Variants in SASS6 observed in about 807,000 individuals in gnomAD.
The protein encoded by SASS6 is spindle assembly abnormal protein 6 homolog.
Under a neutral mutation model 94.9 loss-of-function variants are expected in SASS6, and 59 were observed. That is an observed-to-expected ratio of 0.62 (90% CI 0.50 to 0.77). SASS6 has a LOEUF of 0.77. SASS6 is among the 30% of genes least tolerant of loss of function. The pLI, the probability that SASS6 is intolerant of heterozygous loss-of-function variation, is 0.00. For missense variants in SASS6, 698 were observed against 734.1 expected (o/e 0.95, Z 0.57); for synonymous variants, 264 against 270.0 (o/e 0.98, Z 0.22).
chr1:100,090,445 C>G (rs1332627612), intron 14 of SASS6, among the ~76,000 whole-genome samples: 1 of 152,052 alleles, frequency 6.6e-6, no homozygotes, highest in Admixed American at 6.5e-5. Context: ...AAAGAAACTC[C>G]TAAGCGTCAA....
At chr1:100,110,209 C>T in intron 8 of SASS6, 83 bp downstream of exon 8, 3 of 731,580 alleles carry the variant, frequency 4.1e-6, no homozygotes, top group Non-Finnish European at 6.5e-6. Context: ...AGAGGAACAC[C>T]ACCCACACAA....
At chr1:100,114,403 G>A (rs1233789913) in intron 7 of SASS6, among the ~76,000 whole-genome samples, 1 of 151,832 alleles carries the variant, frequency 6.6e-6, no homozygotes, top group Non-Finnish European at 1.5e-5. Context: ...AACATCCTGG[G>A]CCAGGCATGG....
intron 7 of SASS6, among the ~76,000 whole-genome samples, chr1:100,113,300 CT>C (rs1653497599): frequency 6.6e-6 from 1 of 152,118 alleles, no homozygotes; most frequent in African/African-American, 2.4e-5. Flanking sequence ...AAGAACACAA[CT>C]TGCTTGAAAA....
intron 13 of SASS6, among the ~76,000 whole-genome samples, chr1:100,105,146 T>A (rs1408603661): frequency 6.6e-6 from 1 of 152,228 alleles, no homozygotes; most frequent in East Asian, 1.9e-4. Context: ...CTAAATGTTT[T>A]ACGTTATGTG....
intron 14 of SASS6, among the ~76,000 whole-genome samples, chr1:100,100,785 T>A (rs1652418155): frequency 6.6e-6 from 1 of 152,224 alleles, no homozygotes; most frequent in Admixed American, 6.5e-5. Context: ...CATGTTTTAA[T>A]CAACATAGCT....
chr1:100,095,696 T>C (rs543443533), intron 14 of SASS6, among the ~76,000 whole-genome samples: 4 of 152,280 alleles, frequency 2.6e-5, no homozygotes, highest in African/African-American at 7.2e-5. Flanking sequence ...AAACCACTAA[T>C]GAGTATAATA....
chr1:100,131,014 T>C (rs1250762899), intron 1 of SASS6, among the ~76,000 whole-genome samples: 1 of 152,178 alleles, frequency 6.6e-6, no homozygotes, highest in Non-Finnish European at 1.5e-5. Flanking sequence ...AAATTGAGTT[T>C]TTAGATTAAC....
chr1:100,129,237 TAAA>T (rs993910922), intron 1 of SASS6, among the ~76,000 whole-genome samples: 1 of 140,072 alleles, frequency 7.1e-6, no homozygotes, highest in African/African-American at 2.6e-5. Flanking sequence ...AGCCTCTCTC[TAAA>T]AAAAAAAAAA....
intron 1 of SASS6, among the ~76,000 whole-genome samples, chr1:100,129,104 G>A (rs1042483461): frequency 2.0e-5 from 3 of 152,090 alleles, no homozygotes; most frequent in African/African-American, 7.2e-5. Flanking sequence ...GCCAGGCATG[G>A]TGGTGCATGC....
rs1159679341 is a variant in SASS6 at position 100,125,892 on chromosome 1, A to G, written c.116T>C (p.Val39Ala). The change falls in exon 2 of 17, where the codon GTT becomes GCT. Residue 39 changes from valine (V) to alanine (A), a missense_variant. Transcript: ENST00000287482. ...SIELQSVSNP[V>A]HRKDLVIRLT... is the part of the protein sequence containing the mutation. Reference sequence around the variant, plus strand: ...GGACTAAATACCAACCTTTCTGTGAACTGGATTAGAAACTGATTGTAGTTC... The same window carrying G: ...GGACTAAATACCAACCTTTCTGTGAGCTGGATTAGAAACTGATTGTAGTTC... 1.3e-6 allele frequency: 2 copies of G among 1,534,820 alleles called. No homozygotes were observed. Among genetic ancestry groups the G allele is most frequent in the Non-Finnish European group, 1.8e-6 (2 of 1,118,100 alleles).
intron 7 of SASS6, among the ~76,000 whole-genome samples, chr1:100,118,110 G>T (rs1243303618): frequency 6.6e-6 from 1 of 152,146 alleles, no homozygotes; most frequent in Non-Finnish European, 1.5e-5. Context: ...AAGGTTGGGA[G>T]TTCAAGACCA....
intron 1 of SASS6, among the ~76,000 whole-genome samples, chr1:100,129,847 T>A (rs1437191180): frequency 6.6e-6 from 1 of 152,192 alleles, no homozygotes; most frequent in Non-Finnish European, 1.5e-5. Flanking sequence ...TTGCATAATT[T>A]TCCACCAGAT....
Position 100,085,433 on chromosome 1 carries a change from G to A in SASS6, c.1869C>T (p.Asp623=). ...CTCCTAAAGTGCCATCTCTCTGATG[G>A]TCTGCAAATGAGGACAAAAAAAGGT... is the stretch of plus-strand genomic sequence containing the variant. ...GLSQNLFSNS[D]HQRDGTLGAL... is the part of the protein sequence containing the mutation. Residue 623 remains aspartate, a splice_region_variant and synonymous_variant, in exon 17 of 17, where the codon GAC becomes GAT. Transcript: ENST00000287482. 1 of 1,605,562 alleles carries A rather than the reference G, an allele frequency of 6.2e-7. No individual in the cohort carries two copies. The highest frequency in any genetic ancestry group is 8.5e-7 in the Non-Finnish European group (1 of 1,172,274).
intron 4 of SASS6, among the ~76,000 whole-genome samples, chr1:100,121,776 G>C (rs1654219308): frequency 1.3e-5 from 2 of 152,066 alleles, no homozygotes; most frequent in African/African-American, 4.8e-5. Context: ...GCAAAAACTA[G>C]AAACAAAAAT....
intron 14 of SASS6, among the ~76,000 whole-genome samples, chr1:100,092,174 T>A (rs75729680): frequency 0.013 from 1,652 of 130,004 alleles, 44 homozygotes; most frequent in East Asian, 0.12. Context: ...AAACTAAAAA[T>A]ATATATATAT....
In SASS6 at chr1:100,106,978, C is replaced by A; in HGVS notation, c.1342G>T (p.Glu448Ter). 7.1e-7 allele frequency: 1 copy of A among 1,417,446 alleles called. No homozygotes were observed. Among genetic ancestry groups the A allele is most frequent in the South Asian group, 1.2e-5 (1 of 85,492 alleles). 87.8% of individuals were successfully genotyped at this position (1,417,446 alleles called of 1,614,324 possible). A position where few individuals can be genotyped will look rare whatever the true frequency, so the allele number is the denominator to read the frequency against. The change falls in exon 12 of 17, where the codon GAA becomes TAA. Residue 448 changes from glutamate (E) to a stop codon, truncating the protein, a stop_gained. Coordinates refer to ENST00000287482, the MANE Select transcript of SASS6 (RefSeq NM_194292.3). LOFTEE classifies it high-confidence loss of function. ...TTTTTAACTGTAGCTTCTAATTGTT[C>A]TTGTAATTTGCATACCTGAAATATA... ...IKEQEVCKLQ[E>*]QLEATVKKLE...
At chr1:100,110,953 C>T (rs977980865) in intron 7 of SASS6, among the ~76,000 whole-genome samples, 4 of 151,784 alleles carry the variant, frequency 2.6e-5, no homozygotes, top group Non-Finnish European at 5.9e-5. Context: ...AATTGTAAAA[C>T]GAGCAAGGTT....
intron 4 of SASS6, 40 bp from the exon 5 acceptor site, chr1:100,121,589 A>T (rs889728817): frequency 5.9e-6 from 7 of 1,183,650 alleles, no homozygotes; most frequent in Non-Finnish European, 8.6e-6. Context: ...CACTTAAGAG[A>T]TAGTGAAAAT....
At chr1:100,113,973 C>G (rs2024312684) in intron 7 of SASS6, among the ~76,000 whole-genome samples, 1 of 151,542 alleles carries the variant, frequency 6.6e-6, no homozygotes, top group African/African-American at 2.4e-5. Context: ...CCAGCCTGGG[C>G]AACATAGCAA....
Sources: gnomAD v4.1 joint callset for allele counts (sites outside exome capture counted in the v4.1 genomes callset) on GRCh38, gnomAD v4.1.1 for gene constraint, MANE v1.5 for transcripts, NCBI Gene and HGNC (gene_info 2026-07-23, HGNC 2026-07-21) for gene names.